The following ME1 variants were observed in gnomAD, a reference collection of about 807,000 sequenced individuals.
ME1 encodes the protein malic enzyme 1.
Under a neutral mutation model 66.4 loss-of-function variants are expected in ME1, and 74 were observed. That is an observed-to-expected ratio of 1.11 (90% CI 0.92 to 1.35). The LOEUF (loss-of-function observed/expected upper bound fraction) is 1.35, where lower values mean the gene tolerates loss of function less well. Ranked by LOEUF, ME1 falls within the 40% of genes most tolerant of loss-of-function variation. The pLI is 0.00. For synonymous variants in ME1, 251 were observed against 235.6 expected (o/e 1.07, Z -0.60); for missense variants, 750 against 694.1 (o/e 1.08, Z -0.90).
intron 6 of ME1, among the ~76,000 whole-genome samples, chr6:83,310,732 A>T (rs938673734): frequency 6.6e-6 from 1 of 152,182 alleles, no homozygotes; most frequent in East Asian, 1.9e-4. Context: ...TAGAGTAACT[A>T]TAAGGACAAT....
chr6:83,412,533 A>G (rs911244388), intron 1 of ME1, among the ~76,000 whole-genome samples: 11 of 152,226 alleles, frequency 7.2e-5, no homozygotes, highest in African/African-American at 2.2e-4. Context: ...AAAAGAGAAT[A>G]AGGAAGGTTA....
At chr6:83,392,572 C>T (rs1459539534) in intron 3 of ME1, 1 of 559,924 alleles carries the variant, frequency 1.8e-6, no homozygotes, top group Non-Finnish European at 3.5e-6. Flanking sequence ...TAATTCCGCC[C>T]ATGGCAAATT....
intron 6 of ME1, among the ~76,000 whole-genome samples, chr6:83,307,816 G>A (rs1212904787): frequency 6.6e-5 from 10 of 152,046 alleles, no homozygotes; most frequent in Admixed American, 5.9e-4. Flanking sequence ...CCCTGAATAA[G>A]GGTGAAGAGC....
At chr6:83,266,602 C>A (rs1766995167) in intron 6 of ME1, among the ~76,000 whole-genome samples, 1 of 151,998 alleles carries the variant, frequency 6.6e-6, no homozygotes, top group African/African-American at 2.4e-5. Context: ...TATTATGTTC[C>A]CTGTTTTATA....
At chr6:83,419,568 G>A (rs1308039143) in intron 1 of ME1, among the ~76,000 whole-genome samples, 1 of 152,204 alleles carries the variant, frequency 6.6e-6, no homozygotes, top group South Asian at 2.1e-4. Context: ...ACTGGCAACA[G>A]TGGTTGCCTT....
intron 6 of ME1, among the ~76,000 whole-genome samples, chr6:83,264,150 A>G (rs1766946827): frequency 6.6e-6 from 1 of 152,226 alleles, no homozygotes. Context: ...GAATTATGCT[A>G]AATAGACTCT....
At chr6:83,289,127 TG>T (rs2128534476) in intron 6 of ME1, among the ~76,000 whole-genome samples, 1 of 152,350 alleles carries the variant, frequency 6.6e-6, no homozygotes, top group East Asian at 1.9e-4. Context: ...TCTTCCTACT[TG>T]AATACCCCTT....
At position 83,264,737 on chromosome 6, in the gene ME1, A is replaced by T. The variant is rs145803158; in HGVS notation, c.705-10999T>A. Among the ~76,000 whole-genome samples, 257 of 152,386 alleles carry T rather than the reference A, an allele frequency of 1.7e-3. 1 individual carries two copies. Among genetic ancestry groups the T allele is most frequent in the Middle Eastern group, 3.4e-3 (1 of 294 alleles). ...CTTGAAGATGGGACTGAATTGCTGCAATCTCATTATAAAACCTGAATGGCT... is the reference window on the plus strand; with the variant it reads ...CTTGAAGATGGGACTGAATTGCTGCTATCTCATTATAAAACCTGAATGGCT... On this transcript the variant is annotated intron_variant, in intron 6 of 13. Coordinates refer to ENST00000369705, the MANE Select transcript of ME1 (RefSeq NM_002395.6).
intron 6 of ME1, among the ~76,000 whole-genome samples, chr6:83,308,003 C>G (rs1427282593): frequency 5.3e-5 from 8 of 152,114 alleles, no homozygotes; most frequent in Non-Finnish European, 1.0e-4. Context: ...TGGTCTGTTT[C>G]AGGCACACAG....
intron 1 of ME1, among the ~76,000 whole-genome samples, chr6:83,420,092 GA>G (rs1472492084): frequency 3.9e-5 from 6 of 152,006 alleles, no homozygotes; most frequent in Admixed American, 1.3e-4. Flanking sequence ...TTTTGAGACG[GA>G]GCCTTGCACT....
chr6:83,401,313 C>A (rs1382115257), intron 2 of ME1, among the ~76,000 whole-genome samples: 1 of 152,030 alleles, frequency 6.6e-6, no homozygotes, highest in Non-Finnish European at 1.5e-5. Context: ...GCAGCCTGGG[C>A]AATAGAGTGA....
At chr6:83,309,834 C>A (rs767245390) in intron 6 of ME1, among the ~76,000 whole-genome samples, 1 of 151,928 alleles carries the variant, frequency 6.6e-6, no homozygotes, top group African/African-American at 2.4e-5. Context: ...AGGAAAACTA[C>A]GAAGGAACAA....
intron 2 of ME1, among the ~76,000 whole-genome samples, chr6:83,403,122 A>G (rs779837509): frequency 2.6e-5 from 4 of 152,158 alleles, no homozygotes; most frequent in African/African-American, 9.7e-5. Context: ...AACATCACCC[A>G]AGGATTTGGC....
intron 1 of ME1, among the ~76,000 whole-genome samples, chr6:83,411,914 C>T (rs934630844): frequency 2.0e-4 from 30 of 152,144 alleles, no homozygotes; most frequent in African/African-American, 5.6e-4. Flanking sequence ...CAGAATGGTA[C>T]GTTGTTTCAC....
chr6:83,389,956 T>G (rs1251169027), intron 3 of ME1, among the ~76,000 whole-genome samples: 1 of 152,012 alleles, frequency 6.6e-6, no homozygotes, highest in Non-Finnish European at 1.5e-5. Flanking sequence ...AAAATATTCT[T>G]AAAAATGATT....
intron 12 of ME1, among the ~76,000 whole-genome samples, chr6:83,222,386 A>C (rs1219248211): frequency 6.6e-6 from 1 of 152,224 alleles, no homozygotes; most frequent in Non-Finnish European, 1.5e-5. Context: ...CCTTTAGATC[A>C]CATCAGTAAC....
At chr6:83,304,432 T>C (rs1388753939) in intron 6 of ME1, among the ~76,000 whole-genome samples, 1 of 152,230 alleles carries the variant, frequency 6.6e-6, no homozygotes, top group East Asian at 1.9e-4. Flanking sequence ...TTCCAACCTG[T>C]GCTCAGTAGG....
intron 6 of ME1, among the ~76,000 whole-genome samples, chr6:83,282,761 A>G (rs1767321297): frequency 6.6e-6 from 1 of 152,204 alleles, no homozygotes; most frequent in Non-Finnish European, 1.5e-5. Context: ...ATTACTGGGT[A>G]TATATCCAAA....
intron 2 of ME1, among the ~76,000 whole-genome samples, 194 bp downstream of exon 2, chr6:83,407,574 C>A (rs3798891): frequency 0.32 from 48,225 of 151,998 alleles, 8,011 homozygotes; most frequent in Middle Eastern, 0.49. Context: ...GTTTAGAAAG[C>A]AAAATTTTAT....
Sources: allele counts gnomAD v4.1 joint callset (sites outside exome capture counted in the v4.1 genomes callset), GRCh38; gene constraint gnomAD v4.1.1; transcripts MANE v1.5; gene names NCBI Gene and HGNC (gene_info 2026-07-23, HGNC 2026-07-21).